Variants in COL27A1 observed in about 807,000 individuals in gnomAD.
The protein encoded by COL27A1 is collagen type XXVII alpha 1 chain.
In COL27A1, 106 loss-of-function variants were observed where a neutral mutation model predicts 251.3. That is an observed-to-expected ratio of 0.42 (90% confidence interval 0.36 to 0.50). The LOEUF (loss-of-function observed/expected upper bound fraction) is 0.50, where lower values mean the gene tolerates loss of function less well. COL27A1 is among the 20% of genes least tolerant of loss of function. COL27A1 has a pLI of 0.00. For missense variants in COL27A1, 2,325 were observed against 2,522.8 expected, an observed-to-expected ratio of 0.92 and a Z score of 1.68; for synonymous variants, 1,000 against 986.3, an observed-to-expected ratio of 1.01 and a Z score of -0.26.
chr9:114,287,705 C>G (rs1827604682), intron 41 of COL27A1, among the ~76,000 whole-genome samples: 1 of 152,158 alleles, frequency 6.6e-6, no homozygotes, highest in Non-Finnish European at 1.5e-5. Flanking sequence ...ACATAGGAAC[C>G]TGTCTTATGG....
intron 5 of COL27A1, among the ~76,000 whole-genome samples, chr9:114,192,435 G>A (rs552473798): frequency 2.2e-4 from 34 of 152,268 alleles, no homozygotes; most frequent in Middle Eastern, 3.4e-3. Flanking sequence ...AGCAGCTGCA[G>A]TGCAAGGTGA....
chr9:114,171,383 C>T (rs531066339), intron 3 of COL27A1, among the ~76,000 whole-genome samples: 1 of 152,276 alleles, frequency 6.6e-6, no homozygotes, highest in African/African-American at 2.4e-5. Context: ...CTCTGGGACT[C>T]AGATCTGGGG....
rs372325271 is a variant in COL27A1 at position 114,168,220 on chromosome 9, C to T, written c.665C>T (p.Thr222Met). The stretch of plus-strand genomic sequence containing the variant: ...TGCCAGTTCAGTATCTACCCTGTGA[C>T]GCAGGTCGCTCACAATTACTGTACC... ...ALCQFSIYPV[T>M]QVAHNYCTHL... is the part of the protein sequence containing the mutation. Residue 222 changes from threonine to methionine, a missense_variant, in exon 3 of 61, where the codon ACG (threonine) becomes ATG (methionine). Thr to Met is a moderately conservative substitution (Grantham distance 81). Transcript: ENST00000356083. 84 of 1,614,010 alleles carry T rather than the reference C, an allele frequency of 5.2e-5. No individual in the cohort carries two copies. In the East Asian group the frequency reaches 6.9e-4, roughly 13 times the overall value.
At position 114,264,384 on chromosome 9, in the gene COL27A1, G is replaced by A; in HGVS notation, c.3225G>A (p.Gly1075=). 1.3e-6 allele frequency: 2 copies of A among 1,596,762 alleles called. No individual in the cohort carries two copies. The highest frequency in any genetic ancestry group is 8.5e-7 in the Non-Finnish European group (1 of 1,171,182). The change falls in exon 29 of 61, where the codon GGG becomes GGA. Residue 1075 remains glycine (G), a synonymous_variant. Transcript: ENST00000356083. ...CCCGAGGACCGGACGGACCAGCTGG[G>A]GAGCAAGGGTCCAGGGGCCTGAAGG... The part of the protein sequence containing the change: ...RGPRGPDGPA[G]EQGSRGLKGP...
intron 37 of COL27A1, among the ~76,000 whole-genome samples, chr9:114,277,610 C>A (rs1250998850): frequency 6.6e-6 from 1 of 152,156 alleles, no homozygotes; most frequent in Non-Finnish European, 1.5e-5. Context: ...ATGAACTCAC[C>A]AAACTAGAGA....
chr9:114,201,094 C>T (rs893456471), intron 7 of COL27A1, among the ~76,000 whole-genome samples: 3 of 152,194 alleles, frequency 2.0e-5, no homozygotes, highest in African/African-American at 7.2e-5. Context: ...GCATTGTAAG[C>T]AATGATTCAT....
At chr9:114,184,845 T>A (rs1828209106) in intron 5 of COL27A1, among the ~76,000 whole-genome samples, 1 of 152,128 alleles carries the variant, frequency 6.6e-6, no homozygotes, top group Non-Finnish European at 1.5e-5. Flanking sequence ...CAGGAACTCA[T>A]TTGGAGAGTT....
intron 2 of COL27A1, among the ~76,000 whole-genome samples, chr9:114,164,910 C>T (rs1588555821): frequency 6.6e-6 from 1 of 152,262 alleles, no homozygotes; most frequent in East Asian, 1.9e-4. Context: ...AGGTCTTAAA[C>T]TCAAGCCAAC....
chr9:114,240,402 C>T (rs1184805643), intron 20 of COL27A1, 32 bp from the exon 21 acceptor site: 9 of 1,611,892 alleles, frequency 5.6e-6, no homozygotes, highest in Admixed American at 1.7e-5. Context: ...GGTACCGCCT[C>T]TGAGACTCCC....
intron 7 of COL27A1, 87 bp from the exon 8 acceptor site, chr9:114,205,015 C>T (rs1829849242): frequency 7.6e-7 from 1 of 1,310,328 alleles, no homozygotes; most frequent in African/African-American, 1.4e-5. Flanking sequence ...CGGTGCTGAA[C>T]AGGGCAGGCC....
chr9:114,286,299 C>T (rs1827484354), intron 41 of COL27A1, among the ~76,000 whole-genome samples: 1 of 152,154 alleles, frequency 6.6e-6, no homozygotes, highest in East Asian at 1.9e-4. Context: ...GTAATCTTCA[C>T]CACAGCCCCA....
chr9:114,253,479 AAAAG>A (rs887932311), intron 27 of COL27A1, among the ~76,000 whole-genome samples: 2 of 151,890 alleles, frequency 1.3e-5, no homozygotes, highest in Non-Finnish European at 2.9e-5. Flanking sequence ...AAAGGAAAAG[AAAAG>A]AAAGGAAGGA....
chr9:114,210,845 G>A (rs1342836412), intron 11 of COL27A1, 137 bp from the exon 12 acceptor site: 1 of 777,844 alleles, frequency 1.3e-6, no homozygotes, highest in Non-Finnish European at 2.2e-6. Context: ...GCATGTCACT[G>A]GGGCCGCCAC....
Position 114,310,567 on chromosome 9 carries a change from C to T in COL27A1, c.5455C>T (p.His1819Tyr). 1 of 1,614,200 alleles carries T rather than the reference C, an allele frequency of 6.2e-7. No homozygotes were observed. The highest frequency in any genetic ancestry group is 8.5e-7 in the Non-Finnish European group (1 of 1,180,038). ...DGCKVQDGRW[H>Y]QTLFTFRTQD... ...CCTTCAGGTCCAAGATGGCCGCTGG[C>T]ATCAGACACTCTTCACCTTCCGGAC... Residue 1819 changes from histidine (H) to tyrosine (Y), a missense_variant, in exon 61 of 61, where the codon CAT becomes TAT. Around this residue, in one of 4 missense-constraint regions of COL27A1, gnomAD observed 327 missense variants for 442.8 expected, o/e 0.74. Coordinates refer to ENST00000356083, the MANE Select transcript of COL27A1 (RefSeq NM_032888.4).
chr9:114,240,465 C>T lies in COL27A1; in HGVS notation c.2813C>T (p.Pro938Leu). 6.2e-7 allele frequency: 1 copy of T among 1,612,446 alleles called. No individual in the cohort carries two copies. The highest frequency in any genetic ancestry group is 8.5e-7 in the Non-Finnish European group (1 of 1,179,902). The change falls in exon 21 of 61, where the codon CCC becomes CTC. Residue 938 changes from proline (P) to leucine (L), a missense_variant. Around this residue, in one of 4 missense-constraint regions of COL27A1, gnomAD observed 662 missense variants for 795.3 expected, o/e 0.83. Coordinates refer to ENST00000356083, the MANE Select transcript of COL27A1 (RefSeq NM_032888.4). ...CCTGGAGCCCGAGGCCTGCCGGGAC[C>T]CCGTGGGCAGCTGGGGCCCGAGGTG... ...GKPGARGLPG[P>L]RGQLGPEGDE...
intron 58 of COL27A1, chr9:114,307,300 C>T (rs771240301): frequency 1.0e-5 from 2 of 190,950 alleles, no homozygotes; most frequent in Non-Finnish European, 2.1e-5. Context: ...TACCCTCCCC[C>T]GGCAGGCCCT....
At chr9:114,304,367 AT>A (rs2131677187) in intron 56 of COL27A1, among the ~76,000 whole-genome samples, 1 of 152,362 alleles carries the variant, frequency 6.6e-6, no homozygotes, top group Non-Finnish European at 1.5e-5. Flanking sequence ...ACTGGGTCTT[AT>A]AACCATGTTG....
intron 12 of COL27A1, among the ~76,000 whole-genome samples, chr9:114,216,956 C>T (rs1380586835): frequency 6.6e-6 from 1 of 152,192 alleles, no homozygotes; most frequent in Non-Finnish European, 1.5e-5. Flanking sequence ...GCTAAGAGAA[C>T]AGCTTCTGGA....
Position 114,304,652 on chromosome 9 carries a change from C to T in COL27A1, c.4917C>T (p.Thr1639=), listed in dbSNP as rs1828899794. Residue 1639 remains threonine (T), a synonymous_variant, in exon 57 of 61, where the codon ACC becomes ACT. Coordinates refer to ENST00000356083, the MANE Select transcript of COL27A1 (RefSeq NM_032888.4). ...LGAAFQTWMD[T]SGALRPESYS... ...CAGCTTTCCAGACGTGGATGGACAC[C>T]AGTGGAGCACTCAGGCCAGAGGTAT... 6.2e-7 allele frequency: 1 copy of T among 1,614,028 alleles called. No homozygotes were observed. Among genetic ancestry groups the T allele is most frequent in the Non-Finnish European group, 8.5e-7 (1 of 1,180,016 alleles).
Sources: allele counts gnomAD v4.1 joint callset (sites outside exome capture counted in the v4.1 genomes callset), GRCh38; gene constraint gnomAD v4.1.1; regional missense constraint gnomAD v4.1.1; transcripts MANE v1.5; gene names NCBI Gene and HGNC (gene_info 2026-07-23, HGNC 2026-07-21).